Variants in GTF2A1L observed in about 807,000 individuals in gnomAD.
The protein encoded by GTF2A1L is TFIIA-alpha and beta-like factor.
GTF2A1L carries 48 observed loss-of-function variants against 49.7 expected under a neutral mutation model. The ratio of observed to expected loss-of-function variants is 0.97; its 90% CI spans 0.77 to 1.23. The LOEUF is 1.23. Ranked by LOEUF, GTF2A1L falls within the 50% of genes most tolerant of loss-of-function variation. The pLI is 0.00. For synonymous variants in GTF2A1L, 246 were observed against 193.5 expected, an observed-to-expected ratio of 1.27 and a Z score of -2.25; for missense variants, 736 against 564.8, an observed-to-expected ratio of 1.30 and a Z score of -3.07.
chr2:48,652,007 T>C (rs778790171), intron 6 of GTF2A1L, among the ~76,000 whole-genome samples: 7 of 152,202 alleles, frequency 4.6e-5, no homozygotes, highest in Non-Finnish European at 7.4e-5. Context: ...CAGAAGAGAT[T>C]GGAGTCAGAT....
intron 3 of GTF2A1L, among the ~76,000 whole-genome samples, chr2:48,629,256 G>T (rs558582918): frequency 7.0e-6 from 1 of 143,132 alleles, no homozygotes; most frequent in South Asian, 2.4e-4. Flanking sequence ...AAAAAAAAGT[G>T]ACTTTATTTC....
At chr2:48,668,888 C>T (rs945436944) in intron 6 of GTF2A1L, among the ~76,000 whole-genome samples, 8 of 149,330 alleles carry the variant, frequency 5.4e-5, no homozygotes, top group African/African-American at 2.1e-4. Flanking sequence ...TAGAAAATGC[C>T]TATAAAATAC....
chr2:48,662,158 G>C (rs1263363884), intron 6 of GTF2A1L, among the ~76,000 whole-genome samples: 1 of 152,016 alleles, frequency 6.6e-6, no homozygotes, highest in Non-Finnish European at 1.5e-5. Flanking sequence ...AAGTTTACTC[G>C]TTTACAACTT....
chr2:48,668,579 C>T (rs764948563), intron 6 of GTF2A1L: 35 of 152,366 alleles, frequency 2.3e-4, no homozygotes, highest in Non-Finnish European at 4.4e-5. Context: ...CGCCTGTAAT[C>T]TCAGCACTTT....
In GTF2A1L at chr2:48,620,836, A is replaced by T; in HGVS notation, c.22-15A>T. On this transcript the variant is annotated splice_polypyrimidine_tract_variant and intron_variant, in intron 1 of 8. Coordinates refer to ENST00000403751, the MANE Select transcript of GTF2A1L (RefSeq NM_006872.5). ...AAATAAATAAAATGAAACTTTAACA[A>T]TTGCTTTTATGTAGCCTAAACTCTA... The T allele has an allele frequency of 7.5e-7, 1 of 1,338,824 alleles. No homozygotes were observed. Among genetic ancestry groups the T allele is most frequent in the Non-Finnish European group, 9.7e-7 (1 of 1,032,124 alleles). 82.9% of individuals were successfully genotyped at this position (1,338,824 alleles called of 1,614,324 possible).
chr2:48,653,136 G>T (rs575091882), intron 6 of GTF2A1L, among the ~76,000 whole-genome samples: 2 of 149,654 alleles, frequency 1.3e-5, no homozygotes, highest in South Asian at 4.2e-4. Flanking sequence ...CAGGAGGATG[G>T]CATGAACCCA....
chr2:48,646,414 A>C, intron 5 of GTF2A1L, 39 bp from the exon 6 acceptor site: 1 of 1,412,162 alleles, frequency 7.1e-7, no homozygotes, highest in Admixed American at 2.7e-5. Context: ...GGAAATTTTA[A>C]TTCTATTATA....
At chr2:48,619,352 G>A (rs1675844231) in intron 1 of GTF2A1L, among the ~76,000 whole-genome samples, 1 of 151,690 alleles carries the variant, frequency 6.6e-6, no homozygotes, top group Non-Finnish European at 1.5e-5. Flanking sequence ...CGCCTGTAGT[G>A]CCAGCTACTC....
intron 6 of GTF2A1L, among the ~76,000 whole-genome samples, chr2:48,652,825 G>A (rs1156462433): frequency 1.3e-5 from 2 of 150,986 alleles, no homozygotes; most frequent in African/African-American, 4.9e-5. Flanking sequence ...GTCTCAAGTA[G>A]CTGGGATTAC....
At chr2:48,639,835 TAAAC>T (rs1186804884) in intron 3 of GTF2A1L, among the ~76,000 whole-genome samples, 1 of 152,018 alleles carries the variant, frequency 6.6e-6, no homozygotes, top group Non-Finnish European at 1.5e-5. Flanking sequence ...ATAAGGAACT[TAAAC>T]AAATTTACAA....
chr2:48,648,126 G>T (rs1230830924), intron 6 of GTF2A1L, among the ~76,000 whole-genome samples: 1 of 152,130 alleles, frequency 6.6e-6, no homozygotes, highest in African/African-American at 2.4e-5. Context: ...GCCTGTTTTA[G>T]AATGTTTCAG....
At position 48,646,949 on chromosome 2, in the gene GTF2A1L, G is replaced by C. The variant is rs1431729806; in HGVS notation, c.885G>C (p.Gln295His). 6.2e-7 allele frequency: 1 copy of C among 1,614,140 alleles called. No individual in the cohort carries two copies. Among genetic ancestry groups the C allele is most frequent in the Admixed American group, 1.7e-5 (1 of 60,028 alleles). ...TCCACCAGCACGTGACTGATATTCA[G>C]CTTCATATTCTTAAAAATAGGATGT... ...GALHQHVTDI[Q>H]LHILKNRMYG... Residue 295 changes from glutamine to histidine, a missense_variant, in exon 6 of 9, where the codon CAG becomes CAC. By Grantham distance (24) the Gln-to-His change is conservative. Coordinates refer to ENST00000403751, the MANE Select transcript of GTF2A1L (RefSeq NM_006872.5).
chr2:48,631,421 C>T (rs62137486), intron 3 of GTF2A1L, among the ~76,000 whole-genome samples: 2 of 152,022 alleles, frequency 1.3e-5, no homozygotes, highest in Non-Finnish European at 2.9e-5. Context: ...TAGAGGTATT[C>T]TAATAGTATC....
chr2:48,645,683 C>T (rs1006767193), intron 5 of GTF2A1L, among the ~76,000 whole-genome samples: 2 of 152,218 alleles, frequency 1.3e-5, no homozygotes, highest in Non-Finnish European at 2.9e-5. Flanking sequence ...GAGTCTCGCT[C>T]TGTCGCCCAC....
Position 48,621,238 on chromosome 2 carries a change from G to T in GTF2A1L, c.195G>T (p.Leu65=), listed in dbSNP as rs1389689301. 1.9e-6 allele frequency: 3 copies of T among 1,613,858 alleles called. No individual in the cohort carries two copies. The highest frequency in any genetic ancestry group is 1.3e-5 in the African/African-American group (1 of 74,848). Residue 65 remains leucine (L), a synonymous_variant, in exon 3 of 9, where the codon CTG becomes CTT. Coordinates refer to ENST00000403751, the MANE Select transcript of GTF2A1L (RefSeq NM_006872.5). ...TCAGAAATAGCATCCAATCACCTCTGTTTACTCTTCAGTTGCCGCACAGCT... is the reference window on the plus strand; with the variant it reads ...TCAGAAATAGCATCCAATCACCTCTTTTTACTCTTCAGTTGCCGCACAGCT... The part of the protein sequence containing the change: ...DFFRNSIQSP[L]FTLQLPHSLH...
At chr2:48,637,513 C>G (rs1676964948) in intron 3 of GTF2A1L, among the ~76,000 whole-genome samples, 1 of 152,012 alleles carries the variant, frequency 6.6e-6, no homozygotes, top group Non-Finnish European at 1.5e-5. Context: ...ATGCCCACAT[C>G]AAAAAGTTAG....
At chr2:48,672,430 T>G (rs1679222217) in intron 8 of GTF2A1L, among the ~76,000 whole-genome samples, 1 of 152,208 alleles carries the variant, frequency 6.6e-6, no homozygotes, top group Non-Finnish European at 1.5e-5. Context: ...CTGAGAAGGT[T>G]ATTGAGAAAA....
At chr2:48,647,424 T>C (rs931822994) in intron 6 of GTF2A1L, among the ~76,000 whole-genome samples, 18 of 152,156 alleles carry the variant, frequency 1.2e-4, no homozygotes, top group Admixed American at 1.0e-3. Flanking sequence ...AGAAAATGCG[T>C]TTGTTTTAAA....
intron 3 of GTF2A1L, among the ~76,000 whole-genome samples, chr2:48,635,195 G>T (rs1676820671): frequency 6.6e-6 from 1 of 151,980 alleles, no homozygotes; most frequent in African/African-American, 2.4e-5. Flanking sequence ...CAGGTGCTAT[G>T]AATACCTGGA....
Sources: allele counts gnomAD v4.1 joint callset (sites outside exome capture counted in the v4.1 genomes callset), GRCh38; gene constraint gnomAD v4.1.1; transcripts MANE v1.5; gene names NCBI Gene and HGNC (gene_info 2026-07-23, HGNC 2026-07-21).